The following AUTS2 variants were observed in gnomAD, a reference collection of about 807,000 sequenced individuals.
AUTS2 encodes the protein autism susceptibility gene 2 protein.
A neutral mutation model predicts 112.4 loss-of-function variants in AUTS2; 17 were observed. That is an observed-to-expected ratio of 0.15 (90% CI 0.10 to 0.23). The LOEUF (loss-of-function observed/expected upper bound fraction) is 0.23, where lower values mean the gene tolerates loss of function less well. AUTS2 is among the 10% of genes least tolerant of loss of function. The pLI, the probability that AUTS2 is intolerant of heterozygous loss-of-function variation, is 1.00. For synonymous variants in AUTS2, 751 were observed against 702.7 expected, an observed-to-expected ratio of 1.07 and a Z score of -1.09; for missense variants, 1,510 against 1,701.6, an observed-to-expected ratio of 0.89 and a Z score of 1.98.
chr7:70,667,820 A>G (rs1807422373), intron 5 of AUTS2, among the ~76,000 whole-genome samples: 1 of 152,222 alleles, frequency 6.6e-6, no homozygotes, highest in Admixed American at 6.5e-5. Context: ...ATCTGATTTT[A>G]TGTTCTTCCT....
At chr7:69,921,293 T>G (rs2129542853) in intron 2 of AUTS2, among the ~76,000 whole-genome samples, 1 of 150,422 alleles carries the variant, frequency 6.6e-6, no homozygotes, top group African/African-American at 2.4e-5. Context: ...TCTGAAGAAA[T>G]GTATGTCTTC....
chr7:70,763,487 G>A (rs1789708071), intron 7 of AUTS2, 146 bp downstream of exon 7: 3 of 655,112 alleles, frequency 4.6e-6, no homozygotes, highest in East Asian at 2.8e-5. Flanking sequence ...CAGGGAATGG[G>A]GCTGTTGGGT....
chr7:70,492,704 A>C (rs956415993), intron 5 of AUTS2, among the ~76,000 whole-genome samples: 2 of 152,148 alleles, frequency 1.3e-5, no homozygotes, highest in Admixed American at 1.3e-4. Flanking sequence ...ATGTATAGAG[A>C]GTCACTGTGA....
At chr7:69,600,126 G>A (rs1228396491) in intron 1 of AUTS2, among the ~76,000 whole-genome samples, 164 bp downstream of exon 1, 3 of 152,108 alleles carry the variant, frequency 2.0e-5, no homozygotes, top group Non-Finnish European at 4.4e-5. Flanking sequence ...AGCTGGGGGC[G>A]CGGGCAGACA....
chr7:70,107,795 C>T (rs556327023), intron 2 of AUTS2, among the ~76,000 whole-genome samples: 196 of 150,792 alleles, frequency 1.3e-3, no homozygotes, highest in African/African-American at 4.2e-3. Context: ...AGGCAGATCA[C>T]GAGGTCAGGA....
At chr7:69,781,374 A>G (rs894925641) in intron 1 of AUTS2, among the ~76,000 whole-genome samples, 10 of 152,236 alleles carry the variant, frequency 6.6e-5, no homozygotes, top group African/African-American at 9.6e-5. Flanking sequence ...GAGGGGGCCA[A>G]TTTATGGTAT....
At chr7:69,639,132 A>G (rs1386180435) in intron 1 of AUTS2, among the ~76,000 whole-genome samples, 1 of 152,262 alleles carries the variant, frequency 6.6e-6, no homozygotes, top group Non-Finnish European at 1.5e-5. Context: ...ATTAGACACC[A>G]TGGTATTTAG....
intron 4 of AUTS2, among the ~76,000 whole-genome samples, chr7:70,170,590 G>C (rs1260454025): frequency 1.4e-5 from 2 of 142,072 alleles, no homozygotes; most frequent in African/African-American, 2.6e-5. Context: ...CTAGGGACAC[G>C]TTATCTTTTT....
intron 1 of AUTS2, among the ~76,000 whole-genome samples, chr7:69,601,154 C>T (rs1792385429): frequency 6.6e-6 from 1 of 152,104 alleles, no homozygotes. Flanking sequence ...CATGCACACA[C>T]ACACAGAAGG....
At chr7:70,506,882 T>C (rs1228071462) in intron 5 of AUTS2, among the ~76,000 whole-genome samples, 1 of 152,222 alleles carries the variant, frequency 6.6e-6, no homozygotes, top group Non-Finnish European at 1.5e-5. Context: ...TGGAGTCCCC[T>C]CTGTGCCTTT....
chr7:69,695,751 C>A (rs542601860), intron 1 of AUTS2, among the ~76,000 whole-genome samples: 1 of 152,066 alleles, frequency 6.6e-6, no homozygotes, highest in African/African-American at 2.4e-5. Context: ...TGCCCCCCTC[C>A]CACAACTGCA....
At chr7:70,590,737 G>A (rs1264132694) in intron 5 of AUTS2, among the ~76,000 whole-genome samples, 1 of 152,194 alleles carries the variant, frequency 6.6e-6, no homozygotes, top group Non-Finnish European at 1.5e-5. Flanking sequence ...TGTAGAAACA[G>A]TCTGAGTTGT....
intron 1 of AUTS2, among the ~76,000 whole-genome samples, chr7:69,600,252 G>A (rs557582672): frequency 2.6e-5 from 4 of 152,118 alleles, no homozygotes; most frequent in Admixed American, 1.3e-4. Flanking sequence ...AGGGGTTCGG[G>A]CATCACAACA....
intron 5 of AUTS2, among the ~76,000 whole-genome samples, chr7:70,552,229 TTTG>T (rs1801045425): frequency 1.3e-5 from 2 of 152,330 alleles, no homozygotes; most frequent in South Asian, 2.1e-4. Context: ...CAAGGATTTT[TTTG>T]TTGTTGTTAA....
chr7:70,675,848 G>T (rs1425372867), intron 5 of AUTS2, among the ~76,000 whole-genome samples: 1 of 152,188 alleles, frequency 6.6e-6, no homozygotes, highest in Non-Finnish European at 1.5e-5. Context: ...TGAGGCAGAA[G>T]CAGCGAGACT....
chr7:70,470,708 G>A lies in AUTS2; in HGVS notation c.690+34927G>A, dbSNP rs140881985. Among the ~76,000 whole-genome samples, 281 of 152,260 alleles carry A rather than the reference G, an allele frequency of 1.8e-3. 3 individuals are homozygous for A. Among genetic ancestry groups the A allele is most frequent in the African/African-American group, 6.5e-3 (269 of 41,550 alleles). ...GGTGGAGGCGGGGAGACAATCAGGA[G>A]GAGAAAAGAGGCAGAGAAGTAGAAG... On this transcript the variant is annotated intron_variant, in intron 5 of 18. Coordinates refer to ENST00000342771, the MANE Select transcript of AUTS2 (RefSeq NM_015570.4).
At chr7:69,816,676 C>G (rs1043271036) in intron 1 of AUTS2, among the ~76,000 whole-genome samples, 4 of 152,184 alleles carry the variant, frequency 2.6e-5, no homozygotes, top group African/African-American at 9.7e-5. Context: ...TTCATGTTTG[C>G]TCTTTACATC....
At position 70,377,755 on chromosome 7, in the gene AUTS2, C is replaced by T. The variant is rs111388977; in HGVS notation, c.661-57997C>T. 2.7e-4 allele frequency among the ~76,000 whole-genome samples: 40 copies of T among 150,906 alleles called. 2 individuals carry two copies. Among genetic ancestry groups the T allele is most frequent in the African/African-American group, 9.3e-4 (38 of 41,046 alleles). On this transcript the variant is annotated intron_variant, in intron 4 of 18. Transcript: ENST00000342771. ...ATTTATCCTTTTGTCTGGCTTATTTCGCTTAGGATAATGTCTTCTTTTTTT... is the reference window on the plus strand; with the variant it reads ...ATTTATCCTTTTGTCTGGCTTATTTTGCTTAGGATAATGTCTTCTTTTTTT...
intron 4 of AUTS2, among the ~76,000 whole-genome samples, chr7:70,159,058 G>A (rs1434495111): frequency 3.9e-5 from 6 of 152,038 alleles, no homozygotes; most frequent in Admixed American, 6.6e-5. Context: ...TGCTTTTGCC[G>A]TAGCATCAAC....
Sources: gnomAD v4.1 joint callset for allele counts (sites outside exome capture counted in the v4.1 genomes callset) on GRCh38, gnomAD v4.1.1 for gene constraint, MANE v1.5 for transcripts, NCBI Gene and HGNC (gene_info 2026-07-23, HGNC 2026-07-21) for gene names.